GLYR1: variants seen among roughly 807,000 people sequenced by gnomAD.
The protein encoded by GLYR1 is glyoxylate reductase 1 homolog.
Under a neutral mutation model 72.7 loss-of-function variants are expected in GLYR1, and 21 were observed. The ratio of observed to expected loss-of-function variants is 0.29; its 90% CI spans 0.20 to 0.42. The LOEUF (loss-of-function observed/expected upper bound fraction) is 0.42. Ranked by LOEUF, GLYR1 falls within the 10% of genes least tolerant of loss-of-function variation. GLYR1 has a pLI of 1.00. For synonymous variants in GLYR1, 392 were observed against 270.2 expected (o/e 1.45, Z -4.42); for missense variants, 594 against 712.1 (o/e 0.83, Z 1.89).
chr16:4,836,139 G>A (rs747654406), intron 3 of GLYR1, among the ~76,000 whole-genome samples: 41 of 152,016 alleles, frequency 2.7e-4, no homozygotes, highest in Non-Finnish European at 5.0e-4. Flanking sequence ...TTCAGTTGGC[G>A]CCTCAACAAT....
At chr16:4,821,476 A>T (rs1217990347) in intron 8 of GLYR1, 23 bp from the exon 9 acceptor site, 4 of 1,614,130 alleles carry the variant, frequency 2.5e-6, no homozygotes. Flanking sequence ...AGCACACATC[A>T]TCAAGTCAGT....
chr16:4,837,036 C>T (rs1035377736), intron 3 of GLYR1, among the ~76,000 whole-genome samples: 1 of 152,166 alleles, frequency 6.6e-6, no homozygotes, highest in Non-Finnish European at 1.5e-5. Flanking sequence ...TCTATGAATA[C>T]AGAACCGCCA....
intron 3 of GLYR1, among the ~76,000 whole-genome samples, chr16:4,836,730 G>A (rs997934934): frequency 6.6e-6 from 1 of 152,030 alleles, no homozygotes; most frequent in East Asian, 1.9e-4. Flanking sequence ...TGGTCTAACT[G>A]GGTGGCTGTG....
Position 4,814,543 on chromosome 16 carries a change from G to C in GLYR1, c.1011C>G (p.Ala337=), listed in dbSNP as rs143598568. ...TFACVSDPKA[A]KDLVLGPSGV... ...GGAGGGAGGGGGTCCTTACGTCCTT[G>C]GCCGCCTTGGGATCCGACACGCAGG... The change falls in exon 11 of 16, where the codon GCC becomes GCG. Residue 337 remains alanine (A), a synonymous_variant. Transcript: ENST00000321919. 33 of 1,613,064 alleles carry C rather than the reference G, an allele frequency of 2.0e-5. No homozygotes were observed. In the Admixed American group the frequency reaches 2.7e-4, roughly 13 times the overall value.
At position 4,803,698 on chromosome 16, in the gene GLYR1, C is replaced by G. The variant is rs878878661; in HGVS notation, c.*1538G>C. 5 of 152,214 alleles carry G rather than the reference C, an allele frequency of 3.3e-5. No individual in the cohort carries two copies. The South Asian group carries it at 8.3e-4, about 25-fold the overall frequency. The allele number at this position is 152,214 out of a possible 1,614,324, so 9.4% of individuals were successfully genotyped here. On this transcript the variant is annotated 3_prime_UTR_variant, in exon 16 of 16. Transcript: ENST00000321919. ...ACAGGCATCTTCCCTGCCCTCCCCC[C>G]ACTCGTCTTCTGCAATCCTCTAACC... is the stretch of plus-strand genomic sequence containing the variant.
At position 4,811,768 on chromosome 16, in the gene GLYR1, G is replaced by C. The variant is rs1209546000; in HGVS notation, c.1317C>G (p.Ile439Met). ...TGAAGCTCCCTTGGACCATGTTCAC[G>C]ATCAGCATCATCTTGGCTGCATTGC... ...EVGNAAKMML[I>M]VNMVQGSFMA... The change falls in exon 14 of 16, where the codon ATC becomes ATG. Residue 439 changes from isoleucine (I) to methionine (M), a missense_variant. Around this residue, in one of 5 missense-constraint regions of GLYR1, gnomAD observed 266 missense variants for 358.4 expected, o/e 0.74. Transcript: ENST00000321919. 6.2e-7 allele frequency: 1 copy of C among 1,613,776 alleles called. No homozygotes were observed. The highest frequency in any genetic ancestry group is 8.5e-7 in the Non-Finnish European group (1 of 1,179,934).
At chr16:4,829,204 C>T (rs2084626618) in intron 5 of GLYR1, among the ~76,000 whole-genome samples, 1 of 152,078 alleles carries the variant, frequency 6.6e-6, no homozygotes, top group African/African-American at 2.4e-5. Context: ...CACCAGAGGC[C>T]TCACACTGGC....
intron 15 of GLYR1, among the ~76,000 whole-genome samples, chr16:4,805,615 T>C (rs543476017): frequency 5.6e-4 from 86 of 152,274 alleles, no homozygotes; most frequent in African/African-American, 2.0e-3. Flanking sequence ...CCGAGGTGGG[T>C]GGATCACCTG....
In GLYR1 at chr16:4,823,802, C is replaced by T. The variant is rs768692554; in HGVS notation, c.624+19G>A. 3 of 1,607,096 alleles carry T rather than the reference C, an allele frequency of 1.9e-6. No homozygotes were observed. The highest frequency in any genetic ancestry group is 2.6e-6 in the Non-Finnish European group (3 of 1,173,828). On this transcript the variant is annotated intron_variant, in intron 6 of 15. Transcript: ENST00000321919. ...CGCCCTAAGCCACAGCTTGTCCTGC[C>T]TGCAGGAGAGCTCCTTACCTCGCTT...
intron 15 of GLYR1, 22 bp from the exon 16 acceptor site, chr16:4,805,332 C>G: frequency 6.2e-7 from 1 of 1,605,866 alleles, no homozygotes; most frequent in Non-Finnish European, 8.5e-7. Flanking sequence ...AGAGATGGCT[C>G]AGTCTCTGGC....
chr16:4,847,060 T>C, intron 1 of GLYR1, 168 bp downstream of exon 1: 1 of 641,212 alleles, frequency 1.6e-6, no homozygotes, highest in Non-Finnish European at 2.7e-6. Flanking sequence ...CCCCCGGGAC[T>C]GGACTGCCCC....
At chr16:4,824,112 T>A (rs1170407517) in intron 5 of GLYR1, among the ~76,000 whole-genome samples, 1 of 152,220 alleles carries the variant, frequency 6.6e-6, no homozygotes, top group Non-Finnish European at 1.5e-5. Flanking sequence ...TGTGTACTTA[T>A]GTCTAAATTT....
intron 9 of GLYR1, among the ~76,000 whole-genome samples, chr16:4,818,960 G>A (rs760227762): frequency 3.3e-5 from 5 of 152,016 alleles, no homozygotes; most frequent in Non-Finnish European, 7.4e-5. Context: ...CACATACTCC[G>A]CCTGCTCCTT....
intron 3 of GLYR1, chr16:4,843,875 G>GC (rs1166758678): frequency 2.5e-5 from 5 of 198,470 alleles, no homozygotes; most frequent in Non-Finnish European, 5.3e-5. Flanking sequence ...GGGGTTGGGG[G>GC]GGGGAGGGGC....
In GLYR1 at chr16:4,822,439, G is replaced by T. The variant is rs137901080; in HGVS notation, c.681+436C>A. On this transcript the variant is annotated intron_variant, in intron 7 of 15. Coordinates refer to ENST00000321919, the MANE Select transcript of GLYR1 (RefSeq NM_032569.4). The stretch of plus-strand genomic sequence containing the variant: ...AGAGTCTTACGCTGTTGCCCAGTCT[G>T]GAGTGCAGCGACGCAATCTTGGCTC... 5.4e-3 allele frequency among the ~76,000 whole-genome samples: 827 copies of T among 151,974 alleles called. 8 individuals are homozygous for T. The highest frequency in any genetic ancestry group is 0.019 in the African/African-American group (789 of 41,424).
intron 10 of GLYR1, 87 bp downstream of exon 10, chr16:4,817,511 G>GA (rs753791138): frequency 3.7e-5 from 29 of 794,162 alleles, no homozygotes; most frequent in Non-Finnish European, 6.1e-5. Context: ...ATTGCACGCA[G>GA]AACGCTGAGA....
At chr16:4,834,839 A>G (rs567046833) in intron 3 of GLYR1, among the ~76,000 whole-genome samples, 1 of 152,268 alleles carries the variant, frequency 6.6e-6, no homozygotes, top group South Asian at 2.1e-4. Flanking sequence ...TGGGAGGAAA[A>G]GTGGAAGGAG....
chr16:4,838,223 T>C (rs2085290267), intron 3 of GLYR1, among the ~76,000 whole-genome samples: 1 of 152,226 alleles, frequency 6.6e-6, no homozygotes. Flanking sequence ...CAAGCTGCTA[T>C]GCTTCTAATT....
chr16:4,824,075 T>A (rs1035056357), intron 5 of GLYR1, among the ~76,000 whole-genome samples, 168 bp from the exon 6 acceptor site: 7 of 152,196 alleles, frequency 4.6e-5, no homozygotes, highest in African/African-American at 1.4e-4. Flanking sequence ...AAGTGAGTCT[T>A]TCTTCTCAAT....
Sources: gnomAD v4.1 joint callset for allele counts (sites outside exome capture counted in the v4.1 genomes callset) on GRCh38, gnomAD v4.1.1 for gene constraint, gnomAD v4.1.1 regional missense constraint, MANE v1.5 for transcripts, NCBI Gene and HGNC (gene_info 2026-07-23, HGNC 2026-07-21) for gene names.